PPP2R5C: variants seen among roughly 807,000 people sequenced by gnomAD.
PPP2R5C encodes the protein serine/threonine-protein phosphatase 2A 56 kDa regulatory subunit gamma isoform.
In PPP2R5C, 7 loss-of-function variants were observed where a neutral mutation model predicts 68.9. The ratio of observed to expected loss-of-function variants is 0.10; its 90% CI spans 0.06 to 0.19. The LOEUF (loss-of-function observed/expected upper bound fraction) is 0.19, where lower values mean the gene tolerates loss of function less well. Among genes scored for constraint, PPP2R5C ranks in the 10% least tolerant of loss-of-function variants. The pLI, the probability that PPP2R5C is intolerant of heterozygous loss-of-function variation, is 1.00. For synonymous variants in PPP2R5C, 210 were observed against 222.2 expected (o/e 0.95, Z 0.49); for missense variants, 348 against 641.3 (o/e 0.54, Z 4.94).
At chr14:101,856,107 AAC>A (rs1010796914) in intron 1 of PPP2R5C, among the ~76,000 whole-genome samples, 1 of 152,222 alleles carries the variant, frequency 6.6e-6, no homozygotes, top group African/African-American at 2.4e-5. Context: ...TTTGGAAGTT[AAC>A]AGTCAGTTTG....
intron 5 of PPP2R5C, among the ~76,000 whole-genome samples, chr14:101,885,406 A>G (rs953201915): frequency 2.7e-5 from 4 of 148,606 alleles, no homozygotes; most frequent in African/African-American, 5.0e-5. Context: ...GGCCTCTCCC[A>G]TCCCGTGCCG....
At chr14:101,804,253 C>A (rs1016921308) in intron 3 of PPP2R5C, among the ~76,000 whole-genome samples, 5 of 152,122 alleles carry the variant, frequency 3.3e-5, no homozygotes, top group African/African-American at 1.2e-4. Flanking sequence ...GAAAAGGGAA[C>A]CCTCGTACAC....
At chr14:101,901,517 A>G (rs2045691145) in intron 8 of PPP2R5C, among the ~76,000 whole-genome samples, 1 of 152,214 alleles carries the variant, frequency 6.6e-6, no homozygotes, top group Non-Finnish European at 1.5e-5. Context: ...GATCAGATAG[A>G]TAACCAGACA....
intron 2 of PPP2R5C, chr14:101,765,286 C>T: frequency 1.4e-6 from 1 of 702,572 alleles, no homozygotes; most frequent in Non-Finnish European, 2.6e-6. Context: ...CTTGGCAGAT[C>T]ACTGTGTAAA....
intron 1 of PPP2R5C, among the ~76,000 whole-genome samples, chr14:101,832,009 T>C (rs2040775578): frequency 1.3e-5 from 2 of 152,206 alleles, no homozygotes; most frequent in South Asian, 2.1e-4. Context: ...AGCTTCTAAA[T>C]AGTATTGCAT....
Position 101,899,860 on chromosome 14 carries a change from C to T in PPP2R5C, c.853-1859C>T, listed in dbSNP as rs1332924826. ...TTGTATGGTAGATTTTTATGTCAGA[C>T]TTGAAAACTAGCAGCACTTCCTTTT... On this transcript the variant is annotated intron_variant, in intron 8 of 13. Coordinates refer to ENST00000334743, the Ensembl canonical transcript of PPP2R5C. This position sits in a 1 kb window ranked among gnomAD's most constrained non-coding sequence, Gnocchi z 4.2. Among the ~76,000 whole-genome samples, 1 of 152,166 alleles carries T rather than the reference C, an allele frequency of 6.6e-6. No homozygotes were observed. The highest frequency in any genetic ancestry group is 1.5e-5 in the Non-Finnish European group (1 of 68,024).
rs374448555 is a variant in PPP2R5C at position 101,899,224 on chromosome 14, C to G, written c.853-2495C>G. Among the ~76,000 whole-genome samples the G allele has an allele frequency of 6.6e-5, 10 of 152,338 alleles. No individual in the cohort carries two copies. In the East Asian group the frequency reaches 1.9e-3, roughly 29 times the overall value. ...AAGTAAAACTGTGTTCCGTTTTCAC[C>G]CACCTGCCTCTTCAGTCTCATCACA... is the stretch of plus-strand genomic sequence containing the variant. On this transcript the variant is annotated intron_variant, in intron 8 of 13. Coordinates refer to ENST00000334743, the Ensembl canonical transcript of PPP2R5C. The surrounding 1 kb of genome is among the most constrained non-coding windows in gnomAD (Gnocchi z 4.2).
rs1458650335 is a variant in PPP2R5C, at chr14:101,912,377, A to G, written c.1254-24A>G. On this transcript the variant is annotated intron_variant, in intron 11 of 13. Coordinates refer to ENST00000334743, the Ensembl canonical transcript of PPP2R5C. ...CTTGTGTCTGATGCATCTCTAACAC[A>G]GATGACATTTTACTGTTTTTCAGAG... 3 of 1,579,142 alleles carry G rather than the reference A, an allele frequency of 1.9e-6. No homozygotes were observed. In the African/African-American group the frequency reaches 4.1e-5, roughly 22 times the overall value.
intron 1 of PPP2R5C, chr14:101,839,375 C>T (rs968913993): frequency 6.6e-6 from 1 of 152,148 alleles, no homozygotes; most frequent in South Asian, 2.1e-4. Flanking sequence ...ACACTCATTT[C>T]CAGAGTCAAG....
chr14:101,880,019 T>A (rs1226593322), intron 2 of PPP2R5C, among the ~76,000 whole-genome samples: 2 of 152,208 alleles, frequency 1.3e-5, no homozygotes, highest in Non-Finnish European at 2.9e-5. Context: ...ACTAGACCCC[T>A]GTCTGCGCCG....
intron 1 of PPP2R5C, chr14:101,831,852 T>A (rs1201599010): frequency 1.5e-6 from 1 of 669,024 alleles, no homozygotes; most frequent in Admixed American, 2.0e-5. Flanking sequence ...ACCACTGTAG[T>A]CTGTTACTTA....
intron 2 of PPP2R5C, among the ~76,000 whole-genome samples, chr14:101,869,872 G>A (rs2476524): frequency 0.22 from 33,922 of 151,756 alleles, 5,445 homozygotes; most frequent in African/African-American, 0.44. Flanking sequence ...AGCTGGTCTC[G>A]AACTCCTGAG....
rs2041034397 is a variant in PPP2R5C at position 101,835,611 on chromosome 14, G to A, written c.95-21075G>A. ...GGCTTTTTCCATTGAGGAATTTAAA[G>A]GTCTTAGAAGTAATATTCTTGTTAA... On this transcript the variant is annotated intron_variant, in intron 1 of 13. Transcript: ENST00000334743. The surrounding 1 kb of genome is among the most constrained non-coding windows in gnomAD (Gnocchi z 5.0). Among the ~76,000 whole-genome samples, 1 of 152,250 alleles carries A rather than the reference G, an allele frequency of 6.6e-6. No homozygotes were observed. The highest frequency in any genetic ancestry group is 2.4e-5 in the African/African-American group (1 of 41,462).
At chr14:101,875,840 ATC>A (rs2043735218) in intron 2 of PPP2R5C, among the ~76,000 whole-genome samples, 2 of 152,300 alleles carry the variant, frequency 1.3e-5, no homozygotes, top group Non-Finnish European at 2.9e-5. Flanking sequence ...CTCATTCCAC[ATC>A]AAAGGTTCCT....
At chr14:101,765,152 A>G (rs1344998193) in intron 2 of PPP2R5C, 1 of 702,654 alleles carries the variant, frequency 1.4e-6, no homozygotes, top group East Asian at 2.7e-5. Context: ...TATTTTTTCT[A>G]GTGCTACTGT....
chr14:101,762,360 G>A (rs2036594454), intron 1 of PPP2R5C, among the ~76,000 whole-genome samples: 2 of 152,168 alleles, frequency 1.3e-5, no homozygotes, highest in Non-Finnish European at 2.9e-5. Context: ...CCCCTGTACG[G>A]GGGAAAGGGA....
At chr14:101,883,382 C>T in intron 4 of PPP2R5C, 33 bp downstream of exon 6, 6 of 1,610,124 alleles carry the variant, frequency 3.7e-6, no homozygotes, top group Non-Finnish European at 5.1e-6. Flanking sequence ...CTCTGAAAGC[C>T]CTGATGGAAT....
At chr14:101,810,215 A>C in intron 1 of PPP2R5C, 1 of 615,548 alleles carries the variant, frequency 1.6e-6, no homozygotes, top group Non-Finnish European at 2.9e-6. Flanking sequence ...CGAACTACTT[A>C]CAGAATTTGA....
chr14:101,883,585 T>C (rs2044294061), intron 5 of PPP2R5C, 23 bp downstream of exon 7: 3 of 1,609,356 alleles, frequency 1.9e-6, no homozygotes, highest in Non-Finnish European at 2.5e-6. Flanking sequence ...TGGATGGCGT[T>C]GTCCTTGTGT....
Sources: allele counts gnomAD v4.1 joint callset (sites outside exome capture counted in the v4.1 genomes callset), GRCh38; gene constraint gnomAD v4.1.1; non-coding constraint Gnocchi (gnomAD v3.1); transcripts MANE v1.5; gene names NCBI Gene and HGNC (gene_info 2026-07-23, HGNC 2026-07-21).